MGA: variants seen among roughly 807,000 people sequenced by gnomAD.
MGA encodes MAX dimerization protein MGA, also known as MAX gene-associated protein.
Under a neutral mutation model 261.1 loss-of-function variants are expected in MGA, and 40 were observed. The ratio of observed to expected loss-of-function variants is 0.15; its 90% CI spans 0.12 to 0.20. The LOEUF (loss-of-function observed/expected upper bound fraction) is 0.20. MGA is among the 10% of genes least tolerant of loss of function. MGA has a pLI of 1.00. For synonymous variants in MGA, 1,302 were observed against 1,290.6 expected (o/e 1.01, Z -0.19); for missense variants, 3,397 against 3,630.5 (o/e 0.94, Z 1.65).
upstream of MGA, among the ~76,000 whole-genome samples, chr15:41,656,322 TTCTC>T (rs1270489033): frequency 1.9e-5 from 2 of 102,618 alleles, no homozygotes; most frequent in Non-Finnish European, 4.3e-5. Context: ...TGGTGTTTCT[TTCTC>T]TCTCTCCCTC....
At chr15:41,690,425 G>A (rs536601889) in intron 2 of MGA, among the ~76,000 whole-genome samples, 8 of 152,190 alleles carry the variant, frequency 5.3e-5, no homozygotes, top group African/African-American at 1.4e-4. Flanking sequence ...CAGTTTTTTG[G>A]TGTTGAAAAG....
intron 1 of MGA, among the ~76,000 whole-genome samples, chr15:41,623,771 ATATATT>A (rs1411831650): frequency 9.2e-4 from 59 of 64,036 alleles, no homozygotes; most frequent in Non-Finnish European, 1.7e-3. Flanking sequence ...ATATATATAT[ATATATT>A]TTTTTTTTTT....
intron 1 of MGA, among the ~76,000 whole-genome samples, chr15:41,627,638 CAT>C (rs1403137523): frequency 3.3e-5 from 5 of 152,180 alleles, no homozygotes; most frequent in Non-Finnish European, 7.3e-5. Flanking sequence ...ATATTCTACA[CAT>C]GTCTACCAGT....
At chr15:41,646,789 C>G (rs1425900602) in intron 1 of MGA, among the ~76,000 whole-genome samples, 1 of 152,054 alleles carries the variant, frequency 6.6e-6, no homozygotes, top group African/African-American at 2.4e-5. Context: ...TATCACCCCA[C>G]TGTAAGTTTA....
intron 2 of MGA, among the ~76,000 whole-genome samples, chr15:41,686,338 C>A (rs1208714167): frequency 6.6e-6 from 1 of 152,016 alleles, no homozygotes; most frequent in Non-Finnish European, 1.5e-5. Context: ...CATAGTGACA[C>A]CCACCCAGCT....
chr15:41,766,661 G>T lies in MGA; in HGVS notation c.8579G>T (p.Arg2860Leu). Reference sequence around the variant, plus strand: ...GATACAGAGTTCCCAGGGGATGCTCGGCGGGCTTTTATTAGTAAGGTTCCT... The same window carrying T: ...GATACAGAGTTCCCAGGGGATGCTCTGCGGGCTTTTATTAGTAAGGTTCCT... Residue 2860 changes from arginine (R) to leucine (L), a missense_variant, in exon 24 of 24, where the codon CGG becomes CTG. By Grantham distance (102) the Arg-to-Leu change is moderately radical. Around this residue, in one of 9 missense-constraint regions of MGA, gnomAD observed 647 missense variants for 642.4 expected, o/e 1.01. Transcript: ENST00000219905. 6.2e-7 allele frequency: 1 copy of T among 1,613,960 alleles called. No homozygotes were observed. Among genetic ancestry groups the T allele is most frequent in the South Asian group, 1.1e-5 (1 of 91,074 alleles).
intron 1 of MGA, among the ~76,000 whole-genome samples, chr15:41,652,374 C>A (rs1339589416): frequency 6.8e-6 from 1 of 146,210 alleles, no homozygotes; most frequent in Non-Finnish European, 1.5e-5. Flanking sequence ...TCTCCCCTCT[C>A]CCCTCTCCTT....
intron 1 of MGA, among the ~76,000 whole-genome samples, chr15:41,634,686 G>A (rs1403900312): frequency 6.6e-6 from 1 of 152,158 alleles, no homozygotes; most frequent in Non-Finnish European, 1.5e-5. Flanking sequence ...TGGTGAGATA[G>A]AGGGATGAGT....
chr15:41,672,305 C>T (rs763117813), intron 2 of MGA, among the ~76,000 whole-genome samples: 2 of 152,134 alleles, frequency 1.3e-5, no homozygotes, highest in Non-Finnish European at 2.9e-5. Flanking sequence ...AGGCATGCAC[C>T]ACCATCCCTG....
chr15:41,723,545 A>G (rs2061068122), intron 9 of MGA, among the ~76,000 whole-genome samples: 1 of 152,116 alleles, frequency 6.6e-6, no homozygotes, highest in Non-Finnish European at 1.5e-5. Flanking sequence ...CCTCTGGAGT[A>G]GCTAGGACTA....
intron 1 of MGA, among the ~76,000 whole-genome samples, chr15:41,661,541 G>A (rs1001500408): frequency 2.6e-5 from 4 of 152,130 alleles, no homozygotes; most frequent in African/African-American, 9.7e-5. Flanking sequence ...GGTAAATGAG[G>A]TCTGAAAGGA....
At chr15:41,723,511 G>A (rs1595871973) in intron 9 of MGA, among the ~76,000 whole-genome samples, 1 of 152,074 alleles carries the variant, frequency 6.6e-6, no homozygotes, top group Admixed American at 6.6e-5. Flanking sequence ...GATCTCCCTG[G>A]CTCAAGCGGT....
upstream of MGA, among the ~76,000 whole-genome samples, chr15:41,657,503 G>A (rs748857741): frequency 2.6e-4 from 39 of 151,974 alleles, no homozygotes; most frequent in African/African-American, 6.0e-4. Flanking sequence ...ATGGGCGCAC[G>A]CCACCATGCC....
At chr15:41,760,251 G>T in intron 19 of MGA, 72 bp from the exon 20 acceptor site, 1 of 1,425,046 alleles carries the variant, frequency 7.0e-7, no homozygotes, top group African/African-American at 1.4e-5. Flanking sequence ...AAATAGGGCA[G>T]TGTCATTTGA....
chr15:41,690,142 T>C (rs117891831), intron 2 of MGA, among the ~76,000 whole-genome samples: 3,171 of 152,282 alleles, frequency 0.021, 49 homozygotes, highest in Middle Eastern at 0.082. Flanking sequence ...CCTGTCTCTG[T>C]CTCTGTAGAT....
intron 15 of MGA, among the ~76,000 whole-genome samples, chr15:41,746,956 C>T (rs2062529813): frequency 3.2e-5 from 3 of 94,140 alleles, no homozygotes; most frequent in Non-Finnish European, 6.2e-5. Flanking sequence ...ATTCCTACCT[C>T]TTTATCTCTT....
At chr15:41,735,784 A>T (rs750154561) in intron 12 of MGA, among the ~76,000 whole-genome samples, 1 of 151,770 alleles carries the variant, frequency 6.6e-6, no homozygotes, top group Non-Finnish European at 1.5e-5. Flanking sequence ...TTTTGGATTG[A>T]CTCTAATCTG....
chr15:41,676,496 A>T (rs2058385804), intron 2 of MGA, among the ~76,000 whole-genome samples: 1 of 152,242 alleles, frequency 6.6e-6, no homozygotes, highest in South Asian at 2.1e-4. Context: ...ACAAATGTCA[A>T]TATTAGACAA....
Position 41,767,376 on chromosome 15 carries a change from G to A in MGA, c.*96G>A. On this transcript the variant is annotated 3_prime_UTR_variant, in exon 24 of 24. Transcript: ENST00000219905. ...CTGTTTGTTTGTGTCTTAGAACTTGGATCCTTGACTTCAATGATGCAGTGG... is the reference window on the plus strand; with the variant it reads ...CTGTTTGTTTGTGTCTTAGAACTTGAATCCTTGACTTCAATGATGCAGTGG... 2.3e-6 allele frequency: 3 copies of A among 1,312,924 alleles called. No individual in the cohort carries two copies. Among genetic ancestry groups the A allele is most frequent in the South Asian group, 1.4e-5 (1 of 72,172 alleles). The allele number at this position is 1,312,924 out of a possible 1,614,324, so 81.3% of individuals were successfully genotyped here.
Sources: allele counts gnomAD v4.1 joint callset (sites outside exome capture counted in the v4.1 genomes callset), GRCh38; gene constraint gnomAD v4.1.1; regional missense constraint gnomAD v4.1.1; transcripts MANE v1.5; gene names NCBI Gene and HGNC (gene_info 2026-07-23, HGNC 2026-07-21).